The following CCSER1 variants were observed in gnomAD, a reference collection of about 807,000 sequenced individuals.
CCSER1 encodes the protein serine-rich coiled-coil domain-containing protein 1.
Under a neutral mutation model 82.0 loss-of-function variants are expected in CCSER1, and 41 were observed. The observed-to-expected ratio is 0.50, with a 90% CI of 0.39 to 0.65. CCSER1 has a LOEUF of 0.65. Among genes scored for constraint, CCSER1 ranks in the 30% least tolerant of loss-of-function variants. The pLI is 0.00. For synonymous variants in CCSER1, 414 were observed against 383.9 expected (o/e 1.08, Z -0.92); for missense variants, 1,119 against 1,064.2 (o/e 1.05, Z -0.72).
intron 7 of CCSER1, among the ~76,000 whole-genome samples, chr4:90,772,227 C>T (rs1400520973): frequency 2.0e-5 from 3 of 151,982 alleles, no homozygotes; most frequent in African/African-American, 7.2e-5. Flanking sequence ...TAATGTTTTA[C>T]TGAGATAGGG....
rs577473766 is a variant in CCSER1 at position 90,586,182 on chromosome 4, C to T, written c.1725-41843C>T. On this transcript the variant is annotated intron_variant, in intron 5 of 10. Coordinates refer to ENST00000509176, the MANE Select transcript of CCSER1 (RefSeq NM_001145065.2). ...CGCTGGCATTAGATTCATGAGAGCA[C>T]GAATTCTATTGTGTGCTGCACATGC... Among the ~76,000 whole-genome samples, 8 of 152,124 alleles carry T rather than the reference C, an allele frequency of 5.3e-5. No individual in the cohort carries two copies. In the South Asian group the frequency reaches 1.2e-3, roughly 24 times the overall value.
intron 10 of CCSER1, among the ~76,000 whole-genome samples, chr4:91,251,330 A>G (rs906693059): frequency 6.6e-6 from 1 of 152,158 alleles, no homozygotes; most frequent in Non-Finnish European, 1.5e-5. Context: ...GCAGGCACTA[A>G]TTCTATTCAT....
Position 90,729,012 on chromosome 4 carries a change from G to A in CCSER1, c.2010+5021G>A, listed in dbSNP as rs144722492. Among the ~76,000 whole-genome samples, 135 of 152,316 alleles carry A rather than the reference G, an allele frequency of 8.9e-4. 1 individual carries two copies. Among genetic ancestry groups the A allele is most frequent in the Admixed American group, 2.9e-3 (45 of 15,292 alleles). ...AGCAATGCAGTCTAATTAGGAGGCTGTCTGGGAGGATCAAACCCCAGTTTT... is the reference window on the plus strand; with the variant it reads ...AGCAATGCAGTCTAATTAGGAGGCTATCTGGGAGGATCAAACCCCAGTTTT... On this transcript the variant is annotated intron_variant, in intron 7 of 10. Transcript: ENST00000509176.
At position 91,512,061 on chromosome 4, in the gene CCSER1, C is replaced by T. The variant is rs148820567; in HGVS notation, c.2218-86511C>T. On this transcript the variant is annotated intron_variant, in intron 10 of 10. Coordinates refer to ENST00000509176, the MANE Select transcript of CCSER1 (RefSeq NM_001145065.2). ...TGGTTAATATTGAGTTAACTATCTG[C>T]GATGGTTCACACTTTTGGTGATGTT... 3.0e-3 allele frequency among the ~76,000 whole-genome samples: 454 copies of T among 151,994 alleles called. 4 individuals are homozygous for T. Among genetic ancestry groups the T allele is most frequent in the African/African-American group, 1.0e-2 (414 of 41,416 alleles).
chr4:90,533,084 GTTTTTTTTTTTTT>G (rs59215370), intron 5 of CCSER1, among the ~76,000 whole-genome samples: 4 of 89,016 alleles, frequency 4.5e-5, no homozygotes, highest in African/African-American at 1.0e-4. Context: ...ATTTCTGTGG[GTTTTTTTTTTTTT>G]TTTTTTTTTT....
At chr4:90,372,749 G>GA (rs1441879329) in intron 3 of CCSER1, among the ~76,000 whole-genome samples, 2 of 150,474 alleles carry the variant, frequency 1.3e-5, no homozygotes, top group African/African-American at 4.9e-5. Flanking sequence ...AAACCCATCT[G>GA]AAAAAACGTA....
intron 9 of CCSER1, among the ~76,000 whole-genome samples, chr4:90,924,119 TC>T (rs1403786218): frequency 1.3e-5 from 2 of 152,166 alleles, no homozygotes; most frequent in Non-Finnish European, 2.9e-5. Context: ...TTCAACTTCC[TC>T]TTGATGAAAA....
chr4:91,335,004 GT>G (rs202194322), intron 10 of CCSER1, among the ~76,000 whole-genome samples: 74 of 150,424 alleles, frequency 4.9e-4, no homozygotes, highest in South Asian at 1.7e-3. Flanking sequence ...GCTTTTAAAT[GT>G]TTTTTTTAAT....
At chr4:91,120,223 T>C (rs1428041551) in intron 10 of CCSER1, among the ~76,000 whole-genome samples, 2 of 151,900 alleles carry the variant, frequency 1.3e-5, no homozygotes, top group African/African-American at 4.8e-5. Context: ...TCTAAAAGAG[T>C]TAAATAAACT....
intron 9 of CCSER1, among the ~76,000 whole-genome samples, chr4:91,037,253 CACACAT>C (rs59232591): frequency 0.27 from 35,539 of 131,470 alleles, 4,512 homozygotes; most frequent in Non-Finnish European, 0.33. Context: ...CACACACACA[CACACAT>C]ACATACACAC....
chr4:91,407,371 C>G (rs567833853), intron 10 of CCSER1, among the ~76,000 whole-genome samples: 2 of 152,098 alleles, frequency 1.3e-5, no homozygotes, highest in Non-Finnish European at 2.9e-5. Context: ...TGTATTTATA[C>G]GCATCCTGTA....
intron 10 of CCSER1, among the ~76,000 whole-genome samples, chr4:91,192,379 A>T (rs1259874530): frequency 6.6e-6 from 1 of 152,190 alleles, no homozygotes; most frequent in Non-Finnish European, 1.5e-5. Context: ...TAAGTTTGAT[A>T]CCATGCTCAG....
intron 4 of CCSER1, among the ~76,000 whole-genome samples, chr4:90,445,417 G>C (rs1760514408): frequency 6.6e-6 from 1 of 152,054 alleles, no homozygotes; most frequent in African/African-American, 2.4e-5. Context: ...ATTATTTCAA[G>C]ATCTTTGTGG....
intron 10 of CCSER1, among the ~76,000 whole-genome samples, chr4:91,567,177 G>A (rs1762931557): frequency 6.6e-6 from 1 of 152,042 alleles, no homozygotes; most frequent in Non-Finnish European, 1.5e-5. Flanking sequence ...TAATTTCCAT[G>A]TAATCACATG....
In CCSER1 at chr4:90,450,708, C is replaced by T. The variant is rs1761326251; in HGVS notation, c.1604-17526C>T. Among the ~76,000 whole-genome samples, 2 of 152,116 alleles carry T rather than the reference C, an allele frequency of 1.3e-5. 1 individual carries two copies. Among genetic ancestry groups the T allele is most frequent in the South Asian group, 4.1e-4 (2 of 4,824 alleles). ...TGCTGTAGGAGTAGAAAGAAGTACA[C>T]AGTAAGCCCTCACCCCCATTCTGGG... On this transcript the variant is annotated intron_variant, in intron 4 of 10. Coordinates refer to ENST00000509176, the MANE Select transcript of CCSER1 (RefSeq NM_001145065.2).
At chr4:90,131,252 C>T (rs1209204724) in intron 1 of CCSER1, among the ~76,000 whole-genome samples, 1 of 152,232 alleles carries the variant, frequency 6.6e-6, no homozygotes, top group Non-Finnish European at 1.5e-5. Flanking sequence ...CCACTCTCCT[C>T]GGCCTCCCGA....
chr4:91,152,517 C>T (rs562880144), intron 10 of CCSER1, among the ~76,000 whole-genome samples: 1 of 152,340 alleles, frequency 6.6e-6, no homozygotes, highest in Admixed American at 6.5e-5. Flanking sequence ...AGCCCATTTA[C>T]ATTTAAGGTT....
At chr4:90,838,905 A>G in intron 8 of CCSER1, 1 of 1,613,308 alleles carries the variant, frequency 6.2e-7, no homozygotes. Context: ...ACGCCTCATT[A>G]CGATTCGCCT....
At chr4:90,725,131 T>G (rs1743407385) in intron 7 of CCSER1, 1 of 257,942 alleles carries the variant, frequency 3.9e-6, no homozygotes, top group Non-Finnish European at 7.9e-6. Context: ...AAAATAATAC[T>G]AATGCTACAA....
Sources: gnomAD v4.1 joint callset for allele counts (sites outside exome capture counted in the v4.1 genomes callset) on GRCh38, gnomAD v4.1.1 for gene constraint, MANE v1.5 for transcripts, NCBI Gene and HGNC (gene_info 2026-07-23, HGNC 2026-07-21) for gene names.